Variants in PPP1R1C observed in about 807,000 individuals in gnomAD.
PPP1R1C encodes the protein protein phosphatase 1 regulatory inhibitor subunit 1C.
PPP1R1C carries 15 observed loss-of-function variants against 17.4 expected under a neutral mutation model. The observed-to-expected ratio is 0.86, with a 90% confidence interval of 0.58 to 1.33. The LOEUF (loss-of-function observed/expected upper bound fraction) is 1.33. PPP1R1C is among the 40% of genes most tolerant of loss of function. The probability of loss-of-function intolerance (pLI) is 0.00; values close to 1 mark genes in which losing one functional copy is unlikely to be tolerated. For missense variants in PPP1R1C, 143 were observed against 130.0 expected, an observed-to-expected ratio of 1.10 and a Z score of -0.48; for synonymous variants, 35 against 43.1, an observed-to-expected ratio of 0.81 and a Z score of 0.73.
chr2:182,043,643 T>A (rs898979443), intron 2 of PPP1R1C, among the ~76,000 whole-genome samples: 1 of 151,920 alleles, frequency 6.6e-6, no homozygotes, highest in Non-Finnish European at 1.5e-5. Flanking sequence ...CCCTGAAGAG[T>A]ATGCTGACGT....
chr2:182,010,685 G>A (rs896519929), intron 2 of PPP1R1C, among the ~76,000 whole-genome samples: 8 of 151,840 alleles, frequency 5.3e-5, no homozygotes, highest in East Asian at 1.9e-4. Context: ...GAAAGTGGTC[G>A]GCCTTATTGT....
At chr2:182,039,529 C>T (rs923851158) in intron 2 of PPP1R1C, among the ~76,000 whole-genome samples, 9 of 152,106 alleles carry the variant, frequency 5.9e-5, no homozygotes, top group Non-Finnish European at 8.8e-5. Flanking sequence ...GGACTCTAGG[C>T]GTGTGCCATG....
At chr2:182,107,573 C>T (rs1456002527) in intron 4 of PPP1R1C, among the ~76,000 whole-genome samples, 1 of 152,188 alleles carries the variant, frequency 6.6e-6, no homozygotes, top group East Asian at 1.9e-4. Context: ...CTCACCTTCT[C>T]TTATGCAACT....
rs535500407 is a variant in PPP1R1C, at chr2:182,077,867, A to G, written c.241+14076A>G. 1.1e-4 allele frequency among the ~76,000 whole-genome samples: 17 copies of G among 152,318 alleles called. No homozygotes were observed. The East Asian group carries it at 3.1e-3, about 28-fold the overall frequency. ...TGGTTCACAAAGTTTAAAAAGTACA[A>G]GTAGAAAATAATGTTTAAGAAGTGG... On this transcript the variant is annotated intron_variant, in intron 4 of 4. Coordinates refer to ENST00000682840, the MANE Select transcript of PPP1R1C (RefSeq NM_001080545.3).
chr2:181,998,322 A>G (rs1236078079), intron 2 of PPP1R1C, among the ~76,000 whole-genome samples: 2 of 152,234 alleles, frequency 1.3e-5, no homozygotes, highest in African/African-American at 2.4e-5. Context: ...TTTGGCAGAC[A>G]TAATTATATG....
intron 2 of PPP1R1C, among the ~76,000 whole-genome samples, chr2:182,007,136 C>T (rs1351937105): frequency 6.6e-6 from 1 of 152,112 alleles, no homozygotes; most frequent in Non-Finnish European, 1.5e-5. Context: ...TTTAGAGTTT[C>T]ATTTTTTGAA....
intron 2 of PPP1R1C, chr2:182,030,983 A>C (rs565037779): frequency 4.6e-5 from 7 of 153,626 alleles, no homozygotes; most frequent in Non-Finnish European, 7.2e-5. Flanking sequence ...TTCCCAGGTG[A>C]GTCCGTCATC....
At chr2:182,022,730 C>T (rs1181581295) in intron 2 of PPP1R1C, among the ~76,000 whole-genome samples, 1 of 152,070 alleles carries the variant, frequency 6.6e-6, no homozygotes, top group African/African-American at 2.4e-5. Flanking sequence ...CTTGAGAGAC[C>T]ATTAGAAATC....
At chr2:182,046,093 T>TTTCCTTCC (rs56180506) in intron 2 of PPP1R1C, among the ~76,000 whole-genome samples, 19,355 of 143,520 alleles carry the variant, frequency 0.13, 1,509 homozygotes, top group East Asian at 0.26. Flanking sequence ...CCCTCCTACA[T>TTTCCTTCC]TTCCTTCCTT....
chr2:182,058,626 T>C (rs1467311528), intron 2 of PPP1R1C, among the ~76,000 whole-genome samples: 5 of 152,250 alleles, frequency 3.3e-5, no homozygotes, highest in Admixed American at 6.5e-5. Context: ...ATTATTATGC[T>C]TCCTCTTTCC....
chr2:182,117,475 A>G lies in PPP1R1C; in HGVS notation c.*180A>G, dbSNP rs1689623140. On this transcript the variant is annotated 3_prime_UTR_variant, in exon 5 of 5. Coordinates refer to ENST00000682840, the MANE Select transcript of PPP1R1C (RefSeq NM_001080545.3). ...GACTGAACTTTAGAACTAAGTACAC[A>G]TTGTTCCACATCACTTATAATTAAA... 2.0e-6 allele frequency: 1 copy of G among 505,532 alleles called. No homozygotes were observed. Among genetic ancestry groups the G allele is most frequent in the Non-Finnish European group, 3.5e-6 (1 of 281,908 alleles). The allele number at this position is 505,532 out of a possible 1,614,324, so 31.3% of individuals were successfully genotyped here. A position where few individuals can be genotyped will look rare whatever the true frequency, so the allele number is the denominator to read the frequency against.
rs545075312 is a variant in PPP1R1C at position 182,126,572 on chromosome 2, G to A, written c.*7-2402G>A. On this transcript the variant is annotated intron_variant, in intron 5 of 5. Coordinates refer to the PPP1R1C transcript ENST00000280295. ...CATTTTAAGTGAGTAAACATCTCAC[G>A]TAATATGTGAGATGCAAACATCTCA... 2.8e-4 allele frequency among the ~76,000 whole-genome samples: 43 copies of A among 152,062 alleles called. 1 individual carries two copies. Among genetic ancestry groups the A allele is most frequent in the African/African-American group, 7.0e-4 (29 of 41,520 alleles).
At chr2:182,125,902 T>G (rs543175836) in intron 5 of PPP1R1C, among the ~76,000 whole-genome samples, 19 of 152,300 alleles carry the variant, frequency 1.2e-4, no homozygotes, top group Admixed American at 3.3e-4. Context: ...TTTTTGTGTC[T>G]CTATCTCCTT....
chr2:181,961,085 C>T lies in PPP1R1C; in HGVS notation n.111+6451C>T, dbSNP rs760555188. ...TGCAAAATAAAGGCTGTAACAGGAG[C>T]GTGTGTCACATCATCATAGCAGTTT... On this transcript the variant is annotated intron_variant and non_coding_transcript_variant, in intron 1 of 5. Coordinates refer to the PPP1R1C transcript ENST00000464264. The surrounding 1 kb of genome is among the most constrained non-coding windows in gnomAD (Gnocchi z 5.8). 2.4e-5 allele frequency: 13 copies of T among 547,178 alleles called. No individual in the cohort carries two copies. The highest frequency in any genetic ancestry group is 6.3e-5 in the East Asian group (2 of 31,886). The allele number at this position is 547,178 out of a possible 1,614,324, so 33.9% of individuals were successfully genotyped here. A position where few individuals can be genotyped will look rare whatever the true frequency, so the allele number is the denominator to read the frequency against.
At chr2:182,106,446 G>A (rs1030169303) in intron 4 of PPP1R1C, among the ~76,000 whole-genome samples, 4 of 152,172 alleles carry the variant, frequency 2.6e-5, no homozygotes, top group South Asian at 2.1e-4. Context: ...ACACCAAGGG[G>A]AATTTGGTTG....
intron 2 of PPP1R1C, among the ~76,000 whole-genome samples, chr2:181,978,512 T>A (rs1685137845): frequency 6.6e-6 from 1 of 152,178 alleles, no homozygotes; most frequent in Non-Finnish European, 1.5e-5. Context: ...TGGGCAAAAA[T>A]GACTCACAGG....
Position 182,099,541 on chromosome 2 carries a change from A to G in PPP1R1C, c.242-17666A>G, listed in dbSNP as rs373906036. Among the ~76,000 whole-genome samples the G allele has an allele frequency of 5.9e-5, 9 of 152,352 alleles. No individual in the cohort carries two copies. In the East Asian group the frequency reaches 1.5e-3, roughly 26 times the overall value. Reference sequence around the variant, plus strand: ...CAAGGATAATTTAGGCAAGTGGGAGAATACAGATAAACAACAACAATAAAA... The same window carrying G: ...CAAGGATAATTTAGGCAAGTGGGAGGATACAGATAAACAACAACAATAAAA... On this transcript the variant is annotated intron_variant, in intron 4 of 4. Coordinates refer to ENST00000682840, the MANE Select transcript of PPP1R1C (RefSeq NM_001080545.3).
At chr2:182,107,592 C>T (rs1244627860) in intron 4 of PPP1R1C, among the ~76,000 whole-genome samples, 2 of 152,188 alleles carry the variant, frequency 1.3e-5, no homozygotes, top group African/African-American at 4.8e-5. Context: ...CTGGACACAG[C>T]TTTACTGATG....
chr2:182,005,649 A>T (rs1156688431), intron 2 of PPP1R1C, among the ~76,000 whole-genome samples: 1 of 152,232 alleles, frequency 6.6e-6, no homozygotes, highest in Non-Finnish European at 1.5e-5. Flanking sequence ...ATTTTGCATC[A>T]TTTGTGTTAT....
Sources: allele counts gnomAD v4.1 joint callset (sites outside exome capture counted in the v4.1 genomes callset), GRCh38; gene constraint gnomAD v4.1.1; non-coding constraint Gnocchi (gnomAD v3.1); transcripts MANE v1.5; gene names NCBI Gene and HGNC (gene_info 2026-07-23, HGNC 2026-07-21).